The following KCNK9 variants were observed in gnomAD, a reference collection of about 807,000 sequenced individuals.
KCNK9 encodes the protein potassium channel subfamily K member 9.
Under a neutral mutation model 10.8 loss-of-function variants are expected in KCNK9, and 1 was observed. That is an observed-to-expected ratio of 0.09 (90% CI 0.03 to 0.44). The LOEUF is 0.44. KCNK9 is among the 20% of genes least tolerant of loss of function. The pLI is 0.97. For synonymous variants in KCNK9, 231 were observed against 222.7 expected, an observed-to-expected ratio of 1.04 and a Z score of -0.33; for missense variants, 303 against 515.0, an observed-to-expected ratio of 0.59 and a Z score of 3.98.
intron 1 of KCNK9, among the ~76,000 whole-genome samples, chr8:139,667,513 C>T (rs544530124): frequency 1.4e-4 from 21 of 150,792 alleles, no homozygotes; most frequent in Admixed American, 4.6e-4. Context: ...CTGGCCAACA[C>T]GGTGAAACCC....
At chr8:139,601,062 G>A (rs967855070), downstream of KCNK9, 3 of 152,140 alleles carry the variant, frequency 2.0e-5, no homozygotes, top group Admixed American at 2.0e-4. Context: ...AGGGAGCACT[G>A]ACCCTCCCCA....
In KCNK9 at chr8:139,682,530, C is replaced by T. The variant is rs1816712946; in HGVS notation, c.283+20180G>A. 2.6e-5 allele frequency among the ~76,000 whole-genome samples: 4 copies of T among 152,190 alleles called. No homozygotes were observed. In the South Asian group the frequency reaches 8.3e-4, roughly 32 times the overall value. On this transcript the variant is annotated intron_variant, in intron 1 of 1. Coordinates refer to ENST00000520439, the MANE Select transcript of KCNK9 (RefSeq NM_001282534.2). ...ATCTTCAGTGGCTAGGGATGCCCCACTCTAGCCTGGGACTCAGTCTGCATG... is the reference window on the plus strand; with the variant it reads ...ATCTTCAGTGGCTAGGGATGCCCCATTCTAGCCTGGGACTCAGTCTGCATG...
At chr8:139,700,356 A>T (rs966723469) in intron 1 of KCNK9, among the ~76,000 whole-genome samples, 1 of 151,806 alleles carries the variant, frequency 6.6e-6, no homozygotes, top group African/African-American at 2.4e-5. Context: ...TTGGGAAATG[A>T]CCTCTCTCTG....
downstream of KCNK9, among the ~76,000 whole-genome samples, chr8:139,613,297 G>T (rs1024280753): frequency 2.6e-5 from 4 of 152,176 alleles, no homozygotes; most frequent in African/African-American, 7.2e-5. Context: ...GTAATTCTGG[G>T]ATCTTCAACA....
chr8:139,640,268 C>T (rs1451685783), intron 1 of KCNK9, among the ~76,000 whole-genome samples: 3 of 152,220 alleles, frequency 2.0e-5, no homozygotes, highest in Non-Finnish European at 2.9e-5. Flanking sequence ...AGCGGCAGGG[C>T]TTGTGACTAG....
chr8:139,662,882 G>T (rs554991676), intron 1 of KCNK9, among the ~76,000 whole-genome samples: 13 of 150,444 alleles, frequency 8.6e-5, no homozygotes, highest in Non-Finnish European at 1.2e-4. Flanking sequence ...AAGGGGGGGG[G>T]GCTGGAGGAC....
chr8:139,607,301 G>C (rs1814252166), intron 2 of KCNK9, among the ~76,000 whole-genome samples: 1 of 152,186 alleles, frequency 6.6e-6, no homozygotes, highest in Admixed American at 6.5e-5. Flanking sequence ...GGGCATCTTA[G>C]TCCCATGAAG....
chr8:139,625,033 G>A (rs192873375), intron 1 of KCNK9, among the ~76,000 whole-genome samples: 5 of 152,274 alleles, frequency 3.3e-5, no homozygotes, highest in Admixed American at 1.3e-4. Flanking sequence ...AGAGCACAAT[G>A]AGAATCAGCC....
At chr8:139,694,883 C>G (rs1428888153) in intron 1 of KCNK9, among the ~76,000 whole-genome samples, 1 of 152,188 alleles carries the variant, frequency 6.6e-6, no homozygotes, top group Non-Finnish European at 1.5e-5. Context: ...TCACTCAGGG[C>G]TGGTTGACCC....
At chr8:139,656,323 T>C (rs1816019333) in intron 1 of KCNK9, among the ~76,000 whole-genome samples, 4 of 152,146 alleles carry the variant, frequency 2.6e-5, no homozygotes, top group Admixed American at 2.6e-4. Context: ...GGCCACTAAC[T>C]CTTTGGCCCC....
At chr8:139,691,844 C>T (rs1246818287) in intron 1 of KCNK9, among the ~76,000 whole-genome samples, 2 of 152,212 alleles carry the variant, frequency 1.3e-5, no homozygotes, top group African/African-American at 4.8e-5. Context: ...CAGCCACACC[C>T]CAGCTTGCTT....
chr8:139,657,698 T>C (rs552380621), intron 1 of KCNK9, among the ~76,000 whole-genome samples: 21 of 152,310 alleles, frequency 1.4e-4, no homozygotes, highest in Middle Eastern at 3.4e-3. Context: ...ATATGCAGAA[T>C]GGAGATCATT....
intron 1 of KCNK9, among the ~76,000 whole-genome samples, chr8:139,688,929 T>C (rs1816878047): frequency 6.6e-6 from 1 of 152,074 alleles, no homozygotes; most frequent in Non-Finnish European, 1.5e-5. Context: ...TCACCCCAAA[T>C]TCATATGTTG....
chr8:139,608,319 C>T (rs1814301115), downstream of KCNK9, among the ~76,000 whole-genome samples: 1 of 152,174 alleles, frequency 6.6e-6, no homozygotes, highest in Admixed American at 6.5e-5. Context: ...GGGCAGATTC[C>T]CACCCAGTGT....
chr8:139,647,056 T>C (rs1425820066), intron 1 of KCNK9, among the ~76,000 whole-genome samples: 4 of 152,294 alleles, frequency 2.6e-5, no homozygotes, highest in Admixed American at 2.6e-4. Flanking sequence ...ACAAGGGACC[T>C]CTCCCGCCCT....
intron 1 of KCNK9, among the ~76,000 whole-genome samples, chr8:139,670,818 C>G (rs564578887): frequency 2.0e-5 from 3 of 152,272 alleles, no homozygotes; most frequent in African/African-American, 7.2e-5. Context: ...TGTTTTTTAA[C>G]GTTAAAAACA....
Position 139,648,822 on chromosome 8 carries a change from G to C in KCNK9, c.284-29723C>G, listed in dbSNP as rs77742201. On this transcript the variant is annotated intron_variant, in intron 1 of 1. Coordinates refer to ENST00000520439, the MANE Select transcript of KCNK9 (RefSeq NM_001282534.2). ...AATGACACGTGCCGTGGGCAGATGAGGGCTGGAGTGAAGCCTCTGGGCTGG... is the reference window on the plus strand; with the variant it reads ...AATGACACGTGCCGTGGGCAGATGACGGCTGGAGTGAAGCCTCTGGGCTGG... 1.1e-3 allele frequency among the ~76,000 whole-genome samples: 169 copies of C among 152,334 alleles called. 3 individuals are homozygous for C. The East Asian group carries it at 0.03, about 27-fold the overall frequency.
intron 1 of KCNK9, among the ~76,000 whole-genome samples, chr8:139,659,929 T>C (rs955594181): frequency 1.3e-5 from 2 of 151,958 alleles, no homozygotes; most frequent in Non-Finnish European, 2.9e-5. Flanking sequence ...CCAGAAACAA[T>C]ATATTGATTT....
At chr8:139,663,695 T>TAG (rs531755206) in intron 1 of KCNK9, among the ~76,000 whole-genome samples, 1 of 112,148 alleles carries the variant, frequency 8.9e-6, no homozygotes, top group Non-Finnish European at 1.8e-5. Flanking sequence ...GAGAGAGAGA[T>TAG]AGAGAGAGAG....
Sources: allele counts gnomAD v4.1 joint callset (sites outside exome capture counted in the v4.1 genomes callset), GRCh38; gene constraint gnomAD v4.1.1; transcripts MANE v1.5; gene names NCBI Gene and HGNC (gene_info 2026-07-23, HGNC 2026-07-21).